YTHDC1: variants seen among roughly 807,000 people sequenced by gnomAD.
YTHDC1 encodes YTH N6-methyladenosine RNA binding protein C1.
In YTHDC1, 12 loss-of-function variants were observed where a neutral mutation model predicts 107.0. The ratio of observed to expected loss-of-function variants is 0.11; its 90% confidence interval spans 0.07 to 0.18. The LOEUF is 0.18. Among genes scored for constraint, YTHDC1 ranks in the 10% least tolerant of loss-of-function variants. The pLI is 1.00. For missense variants in YTHDC1, 635 were observed against 898.8 expected (o/e 0.71, Z 3.75); for synonymous variants, 280 against 289.5 (o/e 0.97, Z 0.33).
At chr4:68,325,564 T>C (rs1722906884) in intron 9 of YTHDC1, among the ~76,000 whole-genome samples, 1 of 152,166 alleles carries the variant, frequency 6.6e-6, no homozygotes, top group Non-Finnish European at 1.5e-5. Context: ...TTAAATTTAA[T>C]TTTTTAGAGA....
At chr4:68,348,474 C>CAAAA (rs34746525) in intron 1 of YTHDC1, among the ~76,000 whole-genome samples, 1 of 120,984 alleles carries the variant, frequency 8.3e-6, no homozygotes, top group South Asian at 2.6e-4. Context: ...CTGGATTTCT[C>CAAAA]AAAAAAAAAA....
chr4:68,328,753 C>T (rs1219650627), intron 9 of YTHDC1, among the ~76,000 whole-genome samples: 1 of 152,174 alleles, frequency 6.6e-6, no homozygotes, highest in South Asian at 2.1e-4. Context: ...GGGATACACT[C>T]ATTAGGTGAT....
intron 1 of YTHDC1, among the ~76,000 whole-genome samples, chr4:68,347,527 A>AT (rs1725585335): frequency 6.6e-6 from 1 of 152,204 alleles, no homozygotes; most frequent in African/African-American, 2.4e-5. Flanking sequence ...TATTACCCAG[A>AT]TAAGTGCAAA....
intron 1 of YTHDC1, among the ~76,000 whole-genome samples, chr4:68,348,914 G>A (rs762418436): frequency 6.6e-6 from 1 of 152,192 alleles, no homozygotes; most frequent in Non-Finnish European, 1.5e-5. Context: ...GAGAGACACT[G>A]ATCTAGGACC....
intron 1 of YTHDC1, among the ~76,000 whole-genome samples, chr4:68,344,564 G>A (rs1725209083): frequency 6.6e-6 from 1 of 152,276 alleles, no homozygotes; most frequent in Non-Finnish European, 1.5e-5. Flanking sequence ...CTTCAGTGCT[G>A]CCTCAATTAA....
chr4:68,349,816 G>C lies in YTHDC1; in HGVS notation c.-63C>G, dbSNP rs992309008. The C allele has an allele frequency of 6.3e-5, 102 of 1,608,560 alleles. No homozygotes were observed. Among genetic ancestry groups the C allele is most frequent in the Non-Finnish European group, 8.3e-5 (98 of 1,177,390 alleles). ...CCGCTTAGACGCGACTCGCGCGGGC[G>C]CCGCAGCCGCGGCAGAAGCACGGGC... is the stretch of plus-strand genomic sequence containing the variant. On this transcript the variant is annotated 5_prime_UTR_variant, in exon 1 of 17. Transcript: ENST00000344157.
At chr4:68,315,623 G>A (rs900959688) in intron 16 of YTHDC1, among the ~76,000 whole-genome samples, 2 of 152,056 alleles carry the variant, frequency 1.3e-5, no homozygotes, top group Non-Finnish European at 2.9e-5. Flanking sequence ...GTACTATTGG[G>A]GGGGGTGGGG....
At chr4:68,326,593 C>A (rs1440435893) in intron 9 of YTHDC1, among the ~76,000 whole-genome samples, 2 of 152,026 alleles carry the variant, frequency 1.3e-5, no homozygotes, top group African/African-American at 4.8e-5. Context: ...TAAAACTGTG[C>A]ACAGTTTTTT....
At position 68,339,859 on chromosome 4, in the gene YTHDC1, T is replaced by C. The variant is rs558320701; in HGVS notation, c.29-1475A>G. On this transcript the variant is annotated intron_variant, in intron 1 of 16. Transcript: ENST00000344157. Reference sequence around the variant, plus strand: ...AGGGAACTATGACTTTATTCAATGATCATGAAAGCATAAAACTCAGTTTTG... The same window carrying C: ...AGGGAACTATGACTTTATTCAATGACCATGAAAGCATAAAACTCAGTTTTG... 2.6e-5 allele frequency among the ~76,000 whole-genome samples: 4 copies of C among 152,290 alleles called. No homozygotes were observed. In the East Asian group the frequency reaches 7.7e-4, roughly 29 times the overall value.
At chr4:68,340,022 T>G (rs1283612331) in intron 1 of YTHDC1, among the ~76,000 whole-genome samples, 1 of 152,062 alleles carries the variant, frequency 6.6e-6, no homozygotes, top group Non-Finnish European at 1.5e-5. Context: ...TTTCCAAATT[T>G]AAGGTGTGCC....
chr4:68,332,077 A>T, intron 7 of YTHDC1, 26 bp downstream of exon 7: 1 of 1,449,398 alleles, frequency 6.9e-7, no homozygotes, highest in Non-Finnish European at 9.4e-7. Context: ...ATATTAGGAT[A>T]GTTTCAACAG....
intron 1 of YTHDC1, among the ~76,000 whole-genome samples, chr4:68,349,500 G>A (rs1725836713): frequency 6.6e-6 from 1 of 152,000 alleles, no homozygotes; most frequent in Non-Finnish European, 1.5e-5. Context: ...CCGCATCAAA[G>A]AAAAACCCTA....
intron 13 of YTHDC1, 22 bp from the exon 14 acceptor site, chr4:68,318,751 A>T: frequency 6.2e-7 from 1 of 1,614,152 alleles, no homozygotes; most frequent in Non-Finnish European, 8.5e-7. Flanking sequence ...AAGATTTGTG[A>T]AACTAAATTC....
At position 68,326,552 on chromosome 4, in the gene YTHDC1, TC is replaced by T. The variant is rs564874241; in HGVS notation, c.1350-2330del. Among the ~76,000 whole-genome samples the T allele has an allele frequency of 2.8e-4, 42 of 152,284 alleles. 1 individual carries two copies. Among genetic ancestry groups the T allele is most frequent in the African/African-American group, 9.4e-4 (39 of 41,558 alleles). On this transcript the variant is annotated intron_variant, in intron 9 of 16. Transcript: ENST00000344157. ...TAAGGGACTCTCTGACCTAAGTGGT[TC>T]TGCAAATAGGGCAAATTTAACAAAG...
In YTHDC1 at chr4:68,349,744, C is replaced by A. The variant is rs760929118; in HGVS notation, c.10G>T (p.Asp4Tyr). 6.2e-7 allele frequency: 1 copy of A among 1,613,488 alleles called. No individual in the cohort carries two copies. Among genetic ancestry groups the A allele is most frequent in the Non-Finnish European group, 8.5e-7 (1 of 1,179,784 alleles). Residue 4 changes from aspartate (D) to tyrosine (Y), a missense_variant, in exon 1 of 17, where the codon GAC becomes TAC. This residue lies in a region of YTHDC1 where 21 missense variants were observed against 21.4 expected (regional missense o/e 0.98). Coordinates refer to ENST00000344157, the MANE Select transcript of YTHDC1 (RefSeq NM_001031732.4). Reference sequence around the variant, plus strand: ...CACTAACCTTTCTCCTCCCGACTGTCAGCCGCCATGGCTCCCCTTCGGTTT... The same window carrying A: ...CACTAACCTTTCTCCTCCCGACTGTAAGCCGCCATGGCTCCCCTTCGGTTT... MAA[D>Y]SREEKDGELN...
At chr4:68,328,691 C>G (rs1723252107) in intron 9 of YTHDC1, among the ~76,000 whole-genome samples, 1 of 152,168 alleles carries the variant, frequency 6.6e-6, no homozygotes, top group Middle Eastern at 3.2e-3. Context: ...CTGCACATAG[C>G]TTTTTGCTAC....
chr4:68,316,857 T>C (rs1052464849), intron 15 of YTHDC1, among the ~76,000 whole-genome samples: 5 of 152,130 alleles, frequency 3.3e-5, no homozygotes, highest in African/African-American at 1.2e-4. Flanking sequence ...ACTGTTAAAG[T>C]GGTGAAGCAG....
chr4:68,314,108 A>G lies in YTHDC1; in HGVS notation c.2175T>C (p.Tyr725=), dbSNP rs1169498195. The G allele has an allele frequency of 3.1e-6, 5 of 1,613,922 alleles. No homozygotes were observed. Among genetic ancestry groups the G allele is most frequent in the East Asian group, 2.2e-5 (1 of 44,884 alleles). The change falls in exon 17 of 17, where the codon TAT becomes TAC. Residue 725 remains tyrosine (Y), a synonymous_variant. Transcript: ENST00000344157. ...RDRDRGERGR[Y]RR is the part of the protein sequence containing the mutation. Reference sequence around the variant, plus strand: ...TGCTTCCAAAAGCCCATTATCTTCTATATCGACCTCTCTCCCCTCGGTCTC... The same window carrying G: ...TGCTTCCAAAAGCCCATTATCTTCTGTATCGACCTCTCTCCCCTCGGTCTC...
At position 68,311,227 on chromosome 4, in the gene YTHDC1, C is replaced by G. The variant is rs6826205; in HGVS notation, c.*2872G>C. 2.1e-3 allele frequency: 313 copies of G among 152,150 alleles called. No individual in the cohort carries two copies. The highest frequency in any genetic ancestry group is 7.0e-3 in the African/African-American group (291 of 41,498). The allele number at this position is 152,150 out of a possible 1,614,324, so 9.4% of individuals were successfully genotyped here. On this transcript the variant is annotated 3_prime_UTR_variant, in exon 17 of 17. Coordinates refer to ENST00000344157, the MANE Select transcript of YTHDC1 (RefSeq NM_001031732.4). ...CACTGGGAGGAAAATAGTCTCTCTCCTGCCACTGAAACTACATGGACAATG... is the reference window on the plus strand; with the variant it reads ...CACTGGGAGGAAAATAGTCTCTCTCGTGCCACTGAAACTACATGGACAATG...
Sources: gnomAD v4.1 joint callset for allele counts (sites outside exome capture counted in the v4.1 genomes callset) on GRCh38, gnomAD v4.1.1 for gene constraint, gnomAD v4.1.1 regional missense constraint, MANE v1.5 for transcripts, NCBI Gene and HGNC (gene_info 2026-07-23, HGNC 2026-07-21) for gene names.